KCNQ5: variants seen among roughly 807,000 people sequenced by gnomAD.
KCNQ5 encodes the protein potassium voltage-gated channel subfamily KQT member 5.
Under a neutral mutation model 98.2 loss-of-function variants are expected in KCNQ5, and 30 were observed. The ratio of observed to expected loss-of-function variants is 0.31; its 90% CI spans 0.23 to 0.41. The LOEUF (loss-of-function observed/expected upper bound fraction) is 0.41. Among genes scored for constraint, KCNQ5 ranks in the 10% least tolerant of loss-of-function variants. The pLI is 1.00. For synonymous variants in KCNQ5, 458 were observed against 449.4 expected (o/e 1.02, Z -0.24); for missense variants, 835 against 1,182.5 (o/e 0.71, Z 4.31).
chr6:73,123,621 A>C (rs909052131), intron 8 of KCNQ5, among the ~76,000 whole-genome samples: 2 of 152,204 alleles, frequency 1.3e-5, no homozygotes, highest in Admixed American at 1.3e-4. Context: ...TAATAACAGA[A>C]GGATGTATAG....
At position 72,738,588 on chromosome 6, in the gene KCNQ5, T is replaced by C. The variant is rs145243416; in HGVS notation, c.398+116001T>C. Among the ~76,000 whole-genome samples the C allele has an allele frequency of 1.4e-3, 212 of 152,186 alleles. 1 individual carries two copies. Among genetic ancestry groups the C allele is most frequent in the African/African-American group, 4.6e-3 (192 of 41,522 alleles). ...TATTGATTTATGACGTTATTTTCCA[T>C]GGTCAATTACAAGAATTTGCATGGT... is the stretch of plus-strand genomic sequence containing the variant. On this transcript the variant is annotated intron_variant, in intron 1 of 13. Transcript: ENST00000370398.
At chr6:73,030,342 C>T (rs2150347371) in intron 2 of KCNQ5, among the ~76,000 whole-genome samples, 1 of 152,254 alleles carries the variant, frequency 6.6e-6, no homozygotes, top group East Asian at 1.9e-4. Context: ...TTCTGCCTTT[C>T]CTGTTCTTTT....
At chr6:73,190,124 G>C (rs1387190672) in intron 11 of KCNQ5, among the ~76,000 whole-genome samples, 1 of 151,630 alleles carries the variant, frequency 6.6e-6, no homozygotes, top group Non-Finnish European at 1.5e-5. Context: ...CATTTCTCTA[G>C]AGAGAATAGA....
At chr6:73,170,651 A>G (rs1777980569) in intron 11 of KCNQ5, among the ~76,000 whole-genome samples, 1 of 151,994 alleles carries the variant, frequency 6.6e-6, no homozygotes, top group Non-Finnish European at 1.5e-5. Flanking sequence ...TATCCAAACC[A>G]GGCCAGGTGC....
chr6:72,953,719 G>A (rs1766911997), intron 1 of KCNQ5, among the ~76,000 whole-genome samples: 2 of 152,164 alleles, frequency 1.3e-5, no homozygotes, highest in Admixed American at 6.5e-5. Flanking sequence ...CTTTGGAGAT[G>A]GGAGCAGGAT....
rs1333349572 is a variant in KCNQ5 at position 72,756,215 on chromosome 6, T to C, written c.398+133628T>C. Among the ~76,000 whole-genome samples the C allele has an allele frequency of 2.0e-5, 3 of 152,182 alleles. No individual in the cohort carries two copies. The East Asian group carries it at 5.8e-4, about 29-fold the overall frequency. On this transcript the variant is annotated intron_variant, in intron 1 of 13. Coordinates refer to ENST00000370398, the MANE Select transcript of KCNQ5 (RefSeq NM_019842.4). Reference sequence around the variant, plus strand: ...CTTTGTATGTCCCTCTTGAGGGGCATATCACTCTTTGAACTTAATTTACTT... The same window carrying C: ...CTTTGTATGTCCCTCTTGAGGGGCACATCACTCTTTGAACTTAATTTACTT...
At chr6:73,088,998 C>T (rs1774115825) in intron 5 of KCNQ5, among the ~76,000 whole-genome samples, 2 of 152,202 alleles carry the variant, frequency 1.3e-5, no homozygotes, top group Admixed American at 6.5e-5. Context: ...AAAAGCACTA[C>T]TCTGATCACA....
At chr6:73,150,512 A>G (rs1777107809) in intron 10 of KCNQ5, among the ~76,000 whole-genome samples, 2 of 130,122 alleles carry the variant, frequency 1.5e-5, no homozygotes, top group Non-Finnish European at 3.0e-5. Context: ...AATATATTGC[A>G]TATATTATAT....
intron 1 of KCNQ5, among the ~76,000 whole-genome samples, chr6:72,671,914 TC>T (rs1204831532): frequency 6.6e-6 from 1 of 152,050 alleles, no homozygotes; most frequent in Non-Finnish European, 1.5e-5. Context: ...CCTCCCAGGT[TC>T]ACACCATTCT....
At chr6:73,065,900 A>G (rs1773033055) in intron 3 of KCNQ5, among the ~76,000 whole-genome samples, 1 of 152,204 alleles carries the variant, frequency 6.6e-6, no homozygotes, top group African/African-American at 2.4e-5. Flanking sequence ...TAATCCCAGC[A>G]CTTTGGGAGG....
intron 1 of KCNQ5, among the ~76,000 whole-genome samples, chr6:72,725,867 A>G (rs551407773): frequency 3.3e-5 from 5 of 152,332 alleles, no homozygotes; most frequent in African/African-American, 1.2e-4. Flanking sequence ...TTTTATTCTT[A>G]GTAACAACCT....
chr6:73,188,743 G>C (rs1043746425), intron 11 of KCNQ5, among the ~76,000 whole-genome samples: 1 of 152,114 alleles, frequency 6.6e-6, no homozygotes, highest in African/African-American at 2.4e-5. Context: ...CCAGCATTTT[G>C]GGAGGCTGAG....
intron 11 of KCNQ5, among the ~76,000 whole-genome samples, chr6:73,190,159 T>C (rs1001492379): frequency 6.6e-6 from 1 of 152,184 alleles, no homozygotes; most frequent in Non-Finnish European, 1.5e-5. Context: ...CATTTGTATC[T>C]CAAAAATGCA....
intron 1 of KCNQ5, among the ~76,000 whole-genome samples, chr6:72,817,843 G>A (rs958078286): frequency 1.6e-4 from 25 of 152,002 alleles, no homozygotes; most frequent in African/African-American, 4.4e-4. Flanking sequence ...GCAGTGAGCC[G>A]TGATTGCACC....
At chr6:73,107,242 A>G (rs1320715193) in intron 6 of KCNQ5, among the ~76,000 whole-genome samples, 1 of 152,246 alleles carries the variant, frequency 6.6e-6, no homozygotes, top group East Asian at 1.9e-4. Context: ...GGCTGTTGAA[A>G]TAGACAACAG....
intron 1 of KCNQ5, among the ~76,000 whole-genome samples, chr6:72,913,628 C>T (rs536394108): frequency 6.6e-6 from 1 of 152,292 alleles, no homozygotes; most frequent in East Asian, 1.9e-4. Context: ...TCTTAACCAA[C>T]AGTTGTGTAA....
intron 3 of KCNQ5, chr6:73,043,237 C>A: frequency 3.6e-6 from 1 of 281,158 alleles, no homozygotes; most frequent in Non-Finnish European, 8.2e-6. Context: ...AAAGTCTCCA[C>A]TTATTAAACC....
chr6:72,910,006 A>G (rs1779862798), intron 1 of KCNQ5, among the ~76,000 whole-genome samples: 1 of 152,206 alleles, frequency 6.6e-6, no homozygotes, highest in Admixed American at 6.5e-5. Flanking sequence ...ATGTGGAGTT[A>G]TATATCCATT....
At chr6:72,951,724 A>G (rs1766817242) in intron 1 of KCNQ5, among the ~76,000 whole-genome samples, 1 of 152,142 alleles carries the variant, frequency 6.6e-6, no homozygotes, top group Non-Finnish European at 1.5e-5. Context: ...ATCCACAGCT[A>G]TTTTCCACGA....
Sources: allele counts gnomAD v4.1 joint callset (sites outside exome capture counted in the v4.1 genomes callset), GRCh38; gene constraint gnomAD v4.1.1; transcripts MANE v1.5; gene names NCBI Gene and HGNC (gene_info 2026-07-23, HGNC 2026-07-21).